Variants in ZNF605 observed in about 807,000 individuals in gnomAD.
ZNF605 encodes zinc finger protein 605.
ZNF605 carries 9 observed loss-of-function variants against 7.9 expected under a neutral mutation model. That is an observed-to-expected ratio of 1.14 (90% CI 0.68 to 1.98). The LOEUF is 1.98. Ranked by LOEUF, ZNF605 falls within the 30% of genes most tolerant of loss-of-function variation. ZNF605 has a pLI of 0.00. For synonymous variants in ZNF605, 255 were observed against 260.1 expected (o/e 0.98, Z 0.19); for missense variants, 673 against 762.4 (o/e 0.88, Z 1.38).
intron 1 of ZNF605, among the ~76,000 whole-genome samples, chr12:132,950,619 C>T (rs916908687): frequency 6.6e-6 from 1 of 151,372 alleles, no homozygotes; most frequent in African/African-American, 2.4e-5. Flanking sequence ...CAAAGACAGG[C>T]ATACACAGAC....
In ZNF605 at chr12:132,926,286, C is replaced by G. The variant is rs367877221; in HGVS notation, c.1013G>C (p.Gly338Ala). The G allele has an allele frequency of 5.0e-6, 8 of 1,613,942 alleles. No individual in the cohort carries two copies. In the African/African-American group the frequency reaches 1.1e-4, roughly 22 times the overall value. Residue 338 changes from glycine to alanine, a missense_variant, in exon 5 of 5, where the codon GGA becomes GCA. By Grantham distance (60) the Gly-to-Ala change is moderately conservative. Coordinates refer to ENST00000360187, the MANE Select transcript of ZNF605 (RefSeq NM_183238.4). ...QRTHTGKKPY[G>A]CGECQKAFSR... ...GAAGGCTTTTTGACACTCACCACAT[C>G]CGTAAGGTTTCTTCCCTGTGTGGGT...
At position 132,925,930 on chromosome 12, in the gene ZNF605, C is replaced by T. The variant is rs1201049868; in HGVS notation, c.1369G>A (p.Ala457Thr). 1 of 1,614,126 alleles carries T rather than the reference C, an allele frequency of 6.2e-7. No individual in the cohort carries two copies. The highest frequency in any genetic ancestry group is 1.3e-5 in the African/African-American group (1 of 75,044). ...ATCAGGCTTGACTTCTGGGTGAAGG[C>T]CTTCCCACACTCACTGCATTCATAA... ...KPYECSECGK[A>T]FTQKSSLISH... The change falls in exon 5 of 5, where the codon GCC becomes ACC. Residue 457 changes from alanine to threonine, a missense_variant. Coordinates refer to ENST00000360187, the MANE Select transcript of ZNF605 (RefSeq NM_183238.4).
chr12:132,939,465 G>A lies in ZNF605; in HGVS notation c.15+6156C>T, dbSNP rs1952409050. On this transcript the variant is annotated intron_variant, in intron 3 of 4. Coordinates refer to ENST00000360187, the MANE Select transcript of ZNF605 (RefSeq NM_183238.4). ...ACCCTGTGTTTTGCTCAAGGTTTGT[G>A]AATGCACCAATTGACACTCTGTATC... Among the ~76,000 whole-genome samples the A allele has an allele frequency of 2.6e-5, 4 of 152,276 alleles. No homozygotes were observed. In the South Asian group the frequency reaches 6.2e-4, roughly 24 times the overall value.
chr12:132,939,880 G>A (rs1192227428), intron 3 of ZNF605, among the ~76,000 whole-genome samples: 2 of 120,076 alleles, frequency 1.7e-5, no homozygotes, highest in African/African-American at 2.7e-5. Context: ...CGGGAGGAAC[G>A]AACACTCCAG....
At chr12:132,932,891 C>G (rs1952321901) in intron 4 of ZNF605, 144 bp downstream of exon 4, 1 of 1,355,062 alleles carries the variant, frequency 7.4e-7, no homozygotes, top group Non-Finnish European at 9.8e-7. Context: ...ATAAAGGCTG[C>G]AAAATAAAGC....
chr12:132,936,400 C>G (rs1042165852), intron 3 of ZNF605, among the ~76,000 whole-genome samples: 8 of 152,032 alleles, frequency 5.3e-5, no homozygotes, highest in Non-Finnish European at 7.4e-5. Flanking sequence ...TAAAGCAACC[C>G]CAGCTACATG....
At chr12:132,929,464 C>T (rs1176470153) in intron 4 of ZNF605, among the ~76,000 whole-genome samples, 2 of 152,066 alleles carry the variant, frequency 1.3e-5, no homozygotes. Flanking sequence ...CGGGCATAAA[C>T]AAAGATGATA....
Position 132,923,715 on chromosome 12 carries a change from G to A in ZNF605, c.*1658C>T, listed in dbSNP as rs970452467. ...CAGGTCATTTGAGCTTCTTGAATAT[G>A]TGGGGGTATTGTTTTCACCAGATTT... On this transcript the variant is annotated 3_prime_UTR_variant, in exon 5 of 5. Coordinates refer to ENST00000360187, the MANE Select transcript of ZNF605 (RefSeq NM_183238.4). 1.3e-5 allele frequency: 2 copies of A among 152,188 alleles called. No individual in the cohort carries two copies. Among genetic ancestry groups the A allele is most frequent in the Non-Finnish European group, 2.9e-5 (2 of 68,036 alleles). 9.4% of individuals were successfully genotyped at this position (152,188 alleles called of 1,614,324 possible). A position where few individuals can be genotyped will look rare whatever the true frequency, so the allele number is the denominator to read the frequency against.
chr12:132,951,836 C>G (rs958385284), intron 1 of ZNF605, among the ~76,000 whole-genome samples: 28 of 151,882 alleles, frequency 1.8e-4, no homozygotes, highest in Admixed American at 3.9e-4. Context: ...CACACATACA[C>G]ATACACGCAT....
chr12:132,953,623 C>T (rs1481235154), intron 1 of ZNF605, among the ~76,000 whole-genome samples: 2 of 152,064 alleles, frequency 1.3e-5, no homozygotes, highest in African/African-American at 2.4e-5. Context: ...GACGGGGTTT[C>T]ACCATGTTGG....
chr12:132,945,294 T>G, intron 3 of ZNF605: 1 of 874,552 alleles, frequency 1.1e-6, no homozygotes, highest in Non-Finnish European at 1.9e-6. Context: ...TAATCTACTT[T>G]GTGCTTCTTT....
At chr12:132,947,772 GT>G (rs78463930) in intron 2 of ZNF605, among the ~76,000 whole-genome samples, 89 of 144,658 alleles carry the variant, frequency 6.2e-4, no homozygotes, top group South Asian at 2.0e-3. Flanking sequence ...TTTTTCAAAA[GT>G]TTTTTTTTTT....
In ZNF605 at chr12:132,956,298, C is replaced by G. The variant is rs1038786206; in HGVS notation, c.-341G>C. On this transcript the variant is annotated 5_prime_UTR_variant, in exon 1 of 5. Coordinates refer to ENST00000360187, the MANE Select transcript of ZNF605 (RefSeq NM_183238.4). ...CGGCCCGATCGGGGACGTGAACGCGCAGAACTACATTTCCCAGCGTCCCGC... is the reference window on the plus strand; with the variant it reads ...CGGCCCGATCGGGGACGTGAACGCGGAGAACTACATTTCCCAGCGTCCCGC... 2.0e-5 allele frequency: 3 copies of G among 152,122 alleles called. No individual in the cohort carries two copies. Among genetic ancestry groups the G allele is most frequent in the Non-Finnish European group, 4.4e-5 (3 of 68,040 alleles). The allele number at this position is 152,122 out of a possible 1,614,324, so 9.4% of individuals were successfully genotyped here.
chr12:132,932,952 A>G, intron 4 of ZNF605, 83 bp downstream of exon 4: 3 of 1,477,898 alleles, frequency 2.0e-6, no homozygotes, highest in Non-Finnish European at 1.8e-6. Context: ...AATCTTTGAC[A>G]TGTAAAACTT....
chr12:132,930,710 C>T (rs1289963506), intron 4 of ZNF605, among the ~76,000 whole-genome samples: 1 of 152,148 alleles, frequency 6.6e-6, no homozygotes, highest in African/African-American at 2.4e-5. Flanking sequence ...TTTCATGACT[C>T]ATTTCAATTC....
At chr12:132,930,930 C>T (rs1952302338) in intron 4 of ZNF605, among the ~76,000 whole-genome samples, 1 of 152,176 alleles carries the variant, frequency 6.6e-6, no homozygotes, top group African/African-American at 2.4e-5. Flanking sequence ...TCCTGTAATC[C>T]CAGCACTTGG....
chr12:132,924,310 C>T lies in ZNF605; in HGVS notation c.*1063G>A, dbSNP rs1420343727. On this transcript the variant is annotated 3_prime_UTR_variant, in exon 5 of 5. Coordinates refer to ENST00000360187, the MANE Select transcript of ZNF605 (RefSeq NM_183238.4). ...TTTCTGAGAATTCTACCTGATGCTC[C>T]ATGTGTTTCCACTCTGTTTCCACTC... The T allele has an allele frequency of 6.6e-6, 1 of 152,236 alleles. No homozygotes were observed. Among genetic ancestry groups the T allele is most frequent in the Non-Finnish European group, 1.5e-5 (1 of 68,060 alleles). The allele number at this position is 152,236 out of a possible 1,614,324, so 9.4% of individuals were successfully genotyped here. A position where few individuals can be genotyped will look rare whatever the true frequency, so the allele number is the denominator to read the frequency against.
intron 1 of ZNF605, among the ~76,000 whole-genome samples, chr12:132,949,999 C>T (rs921946088): frequency 4.6e-5 from 7 of 151,904 alleles, no homozygotes; most frequent in African/African-American, 1.2e-4. Context: ...CATCCAAAGA[C>T]GCAGCTCCTC....
At chr12:132,950,924 C>T (rs1380608899) in intron 1 of ZNF605, among the ~76,000 whole-genome samples, 7 of 150,848 alleles carry the variant, frequency 4.6e-5, no homozygotes, top group African/African-American at 9.8e-5. Context: ...ACACACGTAA[C>T]GTATACACAG....
Sources: allele counts gnomAD v4.1 joint callset (sites outside exome capture counted in the v4.1 genomes callset), GRCh38; gene constraint gnomAD v4.1.1; transcripts MANE v1.5; gene names NCBI Gene and HGNC (gene_info 2026-07-23, HGNC 2026-07-21).